The following RASA3 variants were observed in gnomAD, a reference collection of about 807,000 sequenced individuals.
RASA3 encodes the protein ras GTPase-activating protein 3.
In RASA3, 73 loss-of-function variants were observed where a neutral mutation model predicts 110.0. The observed-to-expected ratio is 0.66, with a 90% CI of 0.55 to 0.81. The LOEUF (loss-of-function observed/expected upper bound fraction) is 0.81. RASA3 is among the 30% of genes least tolerant of loss of function. The pLI is 0.00. For missense variants in RASA3, 976 were observed against 1,113.2 expected (o/e 0.88, Z 1.75); for synonymous variants, 500 against 451.4 (o/e 1.11, Z -1.37).
At chr13:113,989,860 G>A (rs1355251303) in intron 22 of RASA3, among the ~76,000 whole-genome samples, 4 of 152,248 alleles carry the variant, frequency 2.6e-5, no homozygotes, top group African/African-American at 9.6e-5. Context: ...GAGGAGATGG[G>A]AGATGGTTGT....
intron 2 of RASA3, among the ~76,000 whole-genome samples, chr13:114,072,528 C>T (rs1051462982): frequency 3.9e-5 from 6 of 152,208 alleles, no homozygotes; most frequent in African/African-American, 1.4e-4. Context: ...CTCAGTATTT[C>T]CCCCTCTCGA....
intron 1 of RASA3, among the ~76,000 whole-genome samples, chr13:114,102,856 T>A (rs1268901751): frequency 6.6e-6 from 1 of 152,160 alleles, no homozygotes; most frequent in Non-Finnish European, 1.5e-5. Flanking sequence ...GAAGACCAAG[T>A]CGTCTGTATA....
Position 114,033,682 on chromosome 13 carries a change from C to T in RASA3, c.373-3795G>A, listed in dbSNP as rs142175940. 3.9e-3 allele frequency among the ~76,000 whole-genome samples: 596 copies of T among 152,192 alleles called. 3 individuals are homozygous for T. Among genetic ancestry groups the T allele is most frequent in the African/African-American group, 0.013 (536 of 41,522 alleles). ...ACCCCCACACTGACACCACGCCCCA[C>T]GGCACCCCCACACTTGACCCAGCGC... On this transcript the variant is annotated intron_variant, in intron 4 of 23. Transcript: ENST00000334062.
At chr13:114,122,625 G>T (rs937723895) in intron 1 of RASA3, among the ~76,000 whole-genome samples, 1 of 152,262 alleles carries the variant, frequency 6.6e-6, no homozygotes, top group Non-Finnish European at 1.5e-5. Flanking sequence ...GGGTGCAGGT[G>T]GGTTCGCCCC....
chr13:114,028,121 A>C (rs959660047), intron 5 of RASA3, among the ~76,000 whole-genome samples, 194 bp from the exon 6 acceptor site: 24 of 150,740 alleles, frequency 1.6e-4, no homozygotes, highest in African/African-American at 5.9e-4. Flanking sequence ...ACAAAAGCCC[A>C]AAACAACACC....
rs530863485 is a variant in RASA3 at position 114,126,355 on chromosome 13, C to T, written c.55+6080G>A. Reference sequence around the variant, plus strand: ...GCCCCTCCAGCTAACTTATCTGGGCCCCTCAAAGGCCAGGCCGTGCATCTC... The same window carrying T: ...GCCCCTCCAGCTAACTTATCTGGGCTCCTCAAAGGCCAGGCCGTGCATCTC... On this transcript the variant is annotated intron_variant, in intron 1 of 23. Transcript: ENST00000334062. 2.6e-5 allele frequency among the ~76,000 whole-genome samples: 4 copies of T among 152,336 alleles called. No individual in the cohort carries two copies. In the South Asian group the frequency reaches 8.3e-4, roughly 32 times the overall value.
At chr13:114,062,675 G>C (rs1467389127) in intron 2 of RASA3, among the ~76,000 whole-genome samples, 1 of 151,924 alleles carries the variant, frequency 6.6e-6, no homozygotes, top group Non-Finnish European at 1.5e-5. Flanking sequence ...GCCCACGTCC[G>C]CATGCAGACT....
At chr13:114,022,138 A>G (rs1481110788) in intron 8 of RASA3, among the ~76,000 whole-genome samples, 1 of 152,132 alleles carries the variant, frequency 6.6e-6, no homozygotes, top group African/African-American at 2.4e-5. Flanking sequence ...CGGGGGGAGA[A>G]CTGTGGCCAC....
chr13:113,981,796 T>G lies in RASA3; in HGVS notation c.2308A>C (p.Ile770Leu). The change falls in exon 23 of 24, where the codon ATT becomes CTT. Residue 770 changes from isoleucine (I) to leucine (L), a missense_variant. Transcript: ENST00000334062. Reference protein sequence around the residue: ...PEQEEYSTFVIDDPQETYKTL... With the variant: ...PEQEEYSTFVLDDPQETYKTL... Reference sequence around the variant, plus strand: ...TTGTAGGTCTCCTGGGGGTCGTCAATGACGAACGTCGAATACTCCTCCTGC... The same window carrying G: ...TTGTAGGTCTCCTGGGGGTCGTCAAGGACGAACGTCGAATACTCCTCCTGC... 1 of 1,614,008 alleles carries G rather than the reference T, an allele frequency of 6.2e-7. No individual in the cohort carries two copies. Among genetic ancestry groups the G allele is most frequent in the Non-Finnish European group, 8.5e-7 (1 of 1,179,960 alleles).
In RASA3 at chr13:114,029,821, G is replaced by T; in HGVS notation, c.439C>A (p.Leu147Ile). 6.3e-7 allele frequency: 1 copy of T among 1,591,798 alleles called. No homozygotes were observed. Residue 147 changes from leucine (L) to isoleucine (I), a missense_variant, in exon 5 of 24, where the codon CTC (leucine) becomes ATC (isoleucine). Physicochemically the swap from Leu to Ile is conservative, Grantham distance 5. Around this residue, in one of 4 missense-constraint regions of RASA3, gnomAD observed 732 missense variants for 779.7 expected, o/e 0.94. Coordinates refer to ENST00000334062, the MANE Select transcript of RASA3 (RefSeq NM_007368.4). The part of the protein sequence containing the change: ...ITDTGVVCHK[L>I]ATRIVECQGL... ...GAGGACGTGTCTTACCGTGTGGCGA[G>T]CTTGTGGCAGACGACCCCAGTGTCT...
chr13:113,980,096 T>C (rs79853251), intron 23 of RASA3, among the ~76,000 whole-genome samples: 23,081 of 136,210 alleles, frequency 0.17, 2,215 homozygotes, highest in Middle Eastern at 0.26. Flanking sequence ...CTCCCACGTG[T>C]GTGCACCCCT....
intron 1 of RASA3, among the ~76,000 whole-genome samples, chr13:114,089,043 AGAGCCTGGC>A (rs1332049229): frequency 3.9e-5 from 6 of 152,146 alleles, no homozygotes; most frequent in Non-Finnish European, 4.4e-5. Context: ...CCAGGGCAGC[AGAGCCTGGC>A]GAGTCCCGAA....
intron 1 of RASA3, 138 bp downstream of exon 1, chr13:114,132,297 C>A: frequency 1.4e-5 from 13 of 927,204 alleles, no homozygotes; most frequent in Non-Finnish European, 1.9e-5. Context: ...CCGGACCAGC[C>A]GTTCTCCGGG....
intron 1 of RASA3, chr13:114,077,702 C>T: frequency 1.5e-6 from 1 of 647,666 alleles, no homozygotes; most frequent in Non-Finnish European, 1.9e-6. Context: ...CGCACTGGCA[C>T]CAAGGCACCG....
chr13:114,048,328 A>G lies in RASA3; in HGVS notation c.277+3724T>C, dbSNP rs1312570871. On this transcript the variant is annotated intron_variant, in intron 3 of 23. Coordinates refer to ENST00000334062, the MANE Select transcript of RASA3 (RefSeq NM_007368.4). This position sits in a 1 kb window ranked among gnomAD's most constrained non-coding sequence, Gnocchi z 4.3. ...AGACTCCGTCTCAAAAAAAAAAAAA[A>G]AGAAGAAGAAAAGAATGGAGGTCTC... 6.7e-6 allele frequency among the ~76,000 whole-genome samples: 1 copy of G among 150,250 alleles called. No homozygotes were observed. Among genetic ancestry groups the G allele is most frequent in the Non-Finnish European group, 1.5e-5 (1 of 67,560 alleles).
intron 21 of RASA3, 105 bp from the exon 22 acceptor site, chr13:113,992,693 T>C: frequency 1.1e-6 from 1 of 904,064 alleles, no homozygotes; most frequent in Non-Finnish European, 1.7e-6. Context: ...ACAACGATTG[T>C]GTTGGAAGTG....
chr13:114,069,364 C>T (rs990037105), intron 2 of RASA3, among the ~76,000 whole-genome samples: 4 of 149,142 alleles, frequency 2.7e-5, no homozygotes, highest in East Asian at 2.0e-4. Context: ...CTTTCCACAG[C>T]GACTTTGCCA....
intron 1 of RASA3, among the ~76,000 whole-genome samples, chr13:114,130,109 AC>A (rs1161669368): frequency 6.6e-6 from 1 of 152,216 alleles, no homozygotes; most frequent in Admixed American, 6.5e-5. Flanking sequence ...GGCCAGCAGC[AC>A]AGTTACATGA....
Position 114,057,163 on chromosome 13 carries a change from G to A in RASA3, c.174-5008C>T, listed in dbSNP as rs536379548. 1 of 963,002 alleles carries A rather than the reference G, an allele frequency of 1.0e-6. No individual in the cohort carries two copies. The highest frequency in any genetic ancestry group is 1.1e-4 in the East Asian group (1 of 8,702). The allele number at this position is 963,002 out of a possible 1,614,324, so 59.7% of individuals were successfully genotyped here. ...GTCGTTTATTCTAGTGGTTCCAATT[G>A]CCTATTTTAATGTTTTTCTTCTTAT... On this transcript the variant is annotated intron_variant, in intron 2 of 23. Coordinates refer to ENST00000334062, the MANE Select transcript of RASA3 (RefSeq NM_007368.4). The surrounding 1 kb of genome is among the most constrained non-coding windows in gnomAD (Gnocchi z 5.0).
Sources: allele counts gnomAD v4.1 joint callset (sites outside exome capture counted in the v4.1 genomes callset), GRCh38; gene constraint gnomAD v4.1.1; regional missense constraint gnomAD v4.1.1; non-coding constraint Gnocchi (gnomAD v3.1); transcripts MANE v1.5; gene names NCBI Gene and HGNC (gene_info 2026-07-23, HGNC 2026-07-21).